FSIP2: variants seen among roughly 807,000 people sequenced by gnomAD.
The protein encoded by FSIP2 is fibrous sheath interacting protein 2, also known as fibrous sheath-interacting protein 2.
A neutral mutation model predicts 510.5 loss-of-function variants in FSIP2; 367 were observed. The observed-to-expected ratio is 0.72, with a 90% confidence interval of 0.66 to 0.78. The LOEUF (loss-of-function observed/expected upper bound fraction) is 0.78. FSIP2 is among the 30% of genes least tolerant of loss of function. FSIP2 has a pLI of 0.00. For missense variants in FSIP2, 7,594 were observed against 7,901.7 expected, an observed-to-expected ratio of 0.96 and a Z score of 1.48; for synonymous variants, 2,601 against 2,732.2, an observed-to-expected ratio of 0.95 and a Z score of 1.50.
At position 185,807,718 on chromosome 2, in the gene FSIP2, C is replaced by T. The variant is rs376256183; in HGVS notation, c.18412C>T (p.Leu6138=). 58 of 1,612,364 alleles carry T rather than the reference C, an allele frequency of 3.6e-5. No individual in the cohort carries two copies. The highest frequency in any genetic ancestry group is 4.6e-5 in the Non-Finnish European group (54 of 1,179,050). Residue 6138 remains leucine, a synonymous_variant, in exon 17 of 23, where the codon CTA becomes TTA. Coordinates refer to ENST00000424728, the MANE Select transcript of FSIP2 (RefSeq NM_173651.4). The part of the protein sequence containing the change: ...NQLQSYFCGE[L]TPHQCVEVEN... ...GCTGCAGAGCTATTTTTGTGGAGAGCTAACTCCACATCAGTGTGTGGAAGT... is the reference window on the plus strand; with the variant it reads ...GCTGCAGAGCTATTTTTGTGGAGAGTTAACTCCACATCAGTGTGTGGAAGT...
At chr2:185,828,679 G>A (rs561213592) in intron 21 of FSIP2, among the ~76,000 whole-genome samples, 8 of 151,832 alleles carry the variant, frequency 5.3e-5, no homozygotes, top group African/African-American at 1.9e-4. Context: ...CTTCTTTACC[G>A]GCAGCTTTCC....
rs1436759389 is a variant in FSIP2, at chr2:185,800,399, A to C, written c.11093A>C (p.Lys3698Thr). The C allele has an allele frequency of 6.5e-7, 1 of 1,527,044 alleles. No homozygotes were observed. The highest frequency in any genetic ancestry group is 8.7e-7 in the Non-Finnish European group (1 of 1,143,612). The allele number at this position is 1,527,044 out of a possible 1,614,324, so 94.6% of individuals were successfully genotyped here. ...KTSESKEVVNKVFNIVSDLFS... is the reference protein window; with the variant it reads ...KTSESKEVVNTVFNIVSDLFS... ...AGTGAATCCAAAGAAGTAGTCAATA[A>C]AGTTTTTAATATTGTTTCAGATTTA... The change falls in exon 17 of 23, where the codon AAA becomes ACA. Residue 3698 changes from lysine to threonine, a missense_variant. Coordinates refer to ENST00000424728, the MANE Select transcript of FSIP2 (RefSeq NM_173651.4).
Position 185,803,409 on chromosome 2 carries a change from G to A in FSIP2, c.14103G>A (p.Val4701=). ...RDVVKTIVDM[V]YSKVLQEYEM... ...TAGTCAAAACAATTGTTGACATGGT[G>A]TACAGCAAAGTTTTGCAAGAATATG... The change falls in exon 17 of 23, where the codon GTG becomes GTA. Residue 4701 remains valine (V), a synonymous_variant. Coordinates refer to ENST00000424728, the MANE Select transcript of FSIP2 (RefSeq NM_173651.4). 1.3e-6 allele frequency: 2 copies of A among 1,532,454 alleles called. No individual in the cohort carries two copies. Among genetic ancestry groups the A allele is most frequent in the Non-Finnish European group, 1.7e-6 (2 of 1,144,734 alleles). The allele number at this position is 1,532,454 out of a possible 1,614,324, so 94.9% of individuals were successfully genotyped here. A position where few individuals can be genotyped will look rare whatever the true frequency, so the allele number is the denominator to read the frequency against.
At chr2:185,786,341 T>A in intron 15 of FSIP2, 53 bp downstream of exon 15, 1 of 1,148,598 alleles carries the variant, frequency 8.7e-7, no homozygotes, top group Non-Finnish European at 1.2e-6. Context: ...TACTTTCTGA[T>A]GCATCATAAT....
chr2:185,831,699 TAA>T, intron 21 of FSIP2, 112 bp from the exon 22 acceptor site: 1 of 692,244 alleles, frequency 1.4e-6, no homozygotes, highest in Non-Finnish European at 2.6e-6. Context: ...ATATTTTATG[TAA>T]GATGCTGTAG....
chr2:185,806,054 A>C lies in FSIP2; in HGVS notation c.16748A>C (p.Tyr5583Ser), dbSNP rs1001781699. 17 of 1,549,160 alleles carry C rather than the reference A, an allele frequency of 1.1e-5. No individual in the cohort carries two copies. Among genetic ancestry groups the C allele is most frequent in the Non-Finnish European group, 1.2e-5 (14 of 1,140,098 alleles). ...TDKKGKDDEIYTHFSLIIDDT... is the reference protein window; with the variant it reads ...TDKKGKDDEISTHFSLIIDDT... The stretch of plus-strand genomic sequence containing the variant: ...AAAAAAGGGAAAGATGATGAGATAT[A>C]CACACATTTTTCATTAATAATTGAT... The change falls in exon 17 of 23, where the codon TAC (tyrosine) becomes TCC (serine). Residue 5583 changes from tyrosine to serine, a missense_variant. Tyr to Ser is a moderately radical substitution (Grantham distance 144, BLOSUM62 -2). Coordinates refer to ENST00000424728, the MANE Select transcript of FSIP2 (RefSeq NM_173651.4).
intron 17 of FSIP2, 121 bp downstream of exon 17, chr2:185,809,254 T>A (rs963699015): frequency 2.8e-6 from 3 of 1,080,234 alleles, no homozygotes; most frequent in Non-Finnish European, 3.8e-6. Context: ...CTCAGCCCAA[T>A]AGGAGAATTA....
intron 5 of FSIP2, among the ~76,000 whole-genome samples, chr2:185,746,088 C>T (rs1428287508): frequency 6.6e-6 from 1 of 152,000 alleles, no homozygotes; most frequent in African/African-American, 2.4e-5. Context: ...CTTTTTCCTT[C>T]ACTAGGGATG....
rs1559033936 is a variant in FSIP2, at chr2:185,804,355, T to C, written c.15049T>C (p.Tyr5017His). Reference protein sequence around the residue: ...FDKNLCFSERYKEMVQKIVNS... With the variant: ...FDKNLCFSERHKEMVQKIVNS... ...TAAAAATTTGTGTTTCTCAGAAAGA[T>C]ACAAAGAAATGGTTCAAAAAATAGT... Residue 5017 changes from tyrosine (Y) to histidine (H), a missense_variant, in exon 17 of 23, where the codon TAC becomes CAC. Coordinates refer to ENST00000424728, the MANE Select transcript of FSIP2 (RefSeq NM_173651.4). The C allele has an allele frequency of 2.0e-5, 30 of 1,502,500 alleles. No homozygotes were observed. The highest frequency in any genetic ancestry group is 2.6e-5 in the Non-Finnish European group (29 of 1,133,240). 93.1% of individuals were successfully genotyped at this position (1,502,500 alleles called of 1,614,324 possible).
At position 185,792,167 on chromosome 2, in the gene FSIP2, A is replaced by C. The variant is rs534645968; in HGVS notation, c.5031A>C (p.Gln1677His). 5 of 1,532,700 alleles carry C rather than the reference A, an allele frequency of 3.3e-6. No homozygotes were observed. In the South Asian group the frequency reaches 4.8e-5, roughly 15 times the overall value. The allele number at this position is 1,532,700 out of a possible 1,614,324, so 94.9% of individuals were successfully genotyped here. ...TAGAAAACCCACCACCTGAGACTCAAATACTTAAGTATGTAGTCAAGTTAA... is the reference window on the plus strand; with the variant it reads ...TAGAAAACCCACCACCTGAGACTCACATACTTAAGTATGTAGTCAAGTTAA... ...TSVENPPPET[Q>H]ILKYVVKLIL... The change falls in exon 16 of 23, where the codon CAA (glutamine) becomes CAC (histidine). Residue 1677 changes from glutamine to histidine, a missense_variant. By Grantham distance (24) the Gln-to-His change is conservative (BLOSUM62 0). Coordinates refer to ENST00000424728, the MANE Select transcript of FSIP2 (RefSeq NM_173651.4).
chr2:185,796,837 C>T lies in FSIP2; in HGVS notation c.9701C>T (p.Ser3234Leu), dbSNP rs1693294904. 17 of 1,535,090 alleles carry T rather than the reference C, an allele frequency of 1.1e-5. No homozygotes were observed. The highest frequency in any genetic ancestry group is 1.7e-4 in the Middle Eastern group (1 of 5,980). The change falls in exon 16 of 23, where the codon TCG (serine) becomes TTG (leucine). Residue 3234 changes from serine (S) to leucine (L), a missense_variant. Physicochemically the swap from Ser to Leu is moderately radical, Grantham distance 145. Transcript: ENST00000424728. Reference sequence around the variant, plus strand: ...AGGCCTGATTCAGAAACTATGCCATCGTGTTCTACTAGAAACAAAGTACAA... The same window carrying T: ...AGGCCTGATTCAGAAACTATGCCATTGTGTTCTACTAGAAACAAAGTACAA... ...TKRPDSETMP[S>L]CSTRNKVQDH...
chr2:185,794,208 GCC>G lies in FSIP2; in HGVS notation c.7073_7074del (p.Ala2358AspfsTer6). ...LKTYADVIAS[A>X]ILKLIKNDLD... ...GACATATGCTGACGTCATTGCCAGT[GCC>G]ATTTTGAAGCTTATTAAAAATGACT... On this transcript the variant is annotated frameshift_variant, in exon 16 of 23. Transcript: ENST00000424728. LOFTEE classifies it high-confidence loss of function. 1 of 1,534,518 alleles carries G rather than the reference GCC, an allele frequency of 6.5e-7. No homozygotes were observed. The highest frequency in any genetic ancestry group is 1.4e-5 in the African/African-American group (1 of 72,964).
intron 14 of FSIP2, among the ~76,000 whole-genome samples, chr2:185,784,298 T>TAAC (rs1692915878): frequency 6.6e-6 from 1 of 151,898 alleles, no homozygotes; most frequent in Non-Finnish European, 1.5e-5. Flanking sequence ...GTATAAGGAG[T>TAAC]AACAGTGAAG....
At position 185,748,738 on chromosome 2, in the gene FSIP2, G is replaced by A. The variant is rs1452265768; in HGVS notation, c.870+1315G>A. Among the ~76,000 whole-genome samples, 3 of 152,030 alleles carry A rather than the reference G, an allele frequency of 2.0e-5. No homozygotes were observed. The East Asian group carries it at 5.8e-4, about 29-fold the overall frequency. On this transcript the variant is annotated intron_variant, in intron 7 of 22. Transcript: ENST00000424728. ...GGAGTGCCCATTAGACGTGGTCACT[G>A]ACTGTAAGCATGATAACACCACAGG...
Position 185,786,280 on chromosome 2 carries a change from C to T in FSIP2, c.1498C>T (p.Gln500Ter). ...MQQNLLQNCL[Q>*]EKVTSEELNI... ...ACAGAACTTGCTGCAAAATTGCTTG[C>T]AAGAAAAAGTATGTATCATAAAATC... Residue 500 changes from glutamine to a stop codon, truncating the protein, a stop_gained, in exon 15 of 23, where the codon CAA becomes TAA. Coordinates refer to ENST00000424728, the MANE Select transcript of FSIP2 (RefSeq NM_173651.4). LOFTEE classifies it high-confidence loss of function. 1 of 1,520,364 alleles carries T rather than the reference C, an allele frequency of 6.6e-7. No individual in the cohort carries two copies. Among genetic ancestry groups the T allele is most frequent in the Non-Finnish European group, 8.8e-7 (1 of 1,135,882 alleles). 94.2% of individuals were successfully genotyped at this position (1,520,364 alleles called of 1,614,324 possible).
chr2:185,801,386 G>A lies in FSIP2; in HGVS notation c.12080G>A (p.Arg4027Gln), dbSNP rs747969382. 228 of 1,533,884 alleles carry A rather than the reference G, an allele frequency of 1.5e-4. No homozygotes were observed. Among genetic ancestry groups the A allele is most frequent in the Admixed American group, 3.1e-4 (16 of 50,826 alleles). The change falls in exon 17 of 23, where the codon CGG (arginine) becomes CAG (glutamine). Residue 4027 changes from arginine (R) to glutamine (Q), a missense_variant. Transcript: ENST00000424728. ...EFNNAQVTVL[R>Q]NAEERLCFPP... is the part of the protein sequence containing the mutation. ...AATAATGCTCAAGTCACTGTTCTAC[G>A]GAATGCTGAAGAAAGGCTGTGTTTT...
At chr2:185,783,830 T>A (rs891561496) in intron 14 of FSIP2, 2 of 152,202 alleles carry the variant, frequency 1.3e-5, no homozygotes, top group African/African-American at 4.8e-5. Context: ...CTGCATTTTT[T>A]ATCTTCTCCT....
At chr2:185,825,257 G>A (rs529609050) in intron 20 of FSIP2, among the ~76,000 whole-genome samples, 1 of 151,728 alleles carries the variant, frequency 6.6e-6, no homozygotes, top group Non-Finnish European at 1.5e-5. Context: ...CTCCTATAAT[G>A]TCTGAATTGT....
At chr2:185,760,186 C>G (rs2088159616) in intron 9 of FSIP2, among the ~76,000 whole-genome samples, 2 of 101,838 alleles carry the variant, frequency 2.0e-5, no homozygotes, top group South Asian at 3.7e-4. Context: ...TTATTTCATT[C>G]TTTCTCTCTC....
Sources: gnomAD v4.1 joint callset for allele counts (sites outside exome capture counted in the v4.1 genomes callset) on GRCh38, gnomAD v4.1.1 for gene constraint, MANE v1.5 for transcripts, NCBI Gene and HGNC (gene_info 2026-07-23, HGNC 2026-07-21) for gene names.